The following LPIN1 variants were observed in gnomAD, a reference collection of about 807,000 sequenced individuals.
The protein encoded by LPIN1 is lipin 1, also known as phosphatidate phosphatase LPIN1.
In LPIN1, 71 loss-of-function variants were observed where a neutral mutation model predicts 107.5. The ratio of observed to expected loss-of-function variants is 0.66; its 90% CI spans 0.55 to 0.80. The LOEUF is 0.80. LPIN1 is among the 30% of genes least tolerant of loss of function. LPIN1 has a pLI of 0.00. For missense variants in LPIN1, 1,043 were observed against 1,160.6 expected (o/e 0.90, Z 1.47); for synonymous variants, 445 against 452.6 (o/e 0.98, Z 0.21).
At chr2:11,732,442 A>G (rs1290082282) in intron 1 of LPIN1, among the ~76,000 whole-genome samples, 1 of 152,200 alleles carries the variant, frequency 6.6e-6, no homozygotes, top group Non-Finnish European at 1.5e-5. Flanking sequence ...TGACAGACAG[A>G]CCTGGGCTTT....
chr2:11,778,690 CAT>C (rs1673062416), intron 6 of LPIN1, among the ~76,000 whole-genome samples: 1 of 152,200 alleles, frequency 6.6e-6, no homozygotes, highest in Non-Finnish European at 1.5e-5. Context: ...AATAATTAAC[CAT>C]GTTATTATGC....
rs114666965 is a variant in LPIN1 at position 11,798,840 on chromosome 2, C to T, written c.1886+3353C>T. Reference sequence around the variant, plus strand: ...CAGACGTGATTGACAGAATAGTCCCCGAAGTCCCATAATTGAGCAAACAGC... The same window carrying T: ...CAGACGTGATTGACAGAATAGTCCCTGAAGTCCCATAATTGAGCAAACAGC... On this transcript the variant is annotated intron_variant, in intron 14 of 20. Transcript: ENST00000674199. Among the ~76,000 whole-genome samples, 392 of 151,608 alleles carry T rather than the reference C, an allele frequency of 2.6e-3. 1 individual carries two copies. The highest frequency in any genetic ancestry group is 9.2e-3 in the African/African-American group (379 of 41,354).
intron 1 of LPIN1, among the ~76,000 whole-genome samples, chr2:11,727,032 A>C (rs1016935217): frequency 6.6e-6 from 1 of 152,232 alleles, no homozygotes; most frequent in Non-Finnish European, 1.5e-5. Context: ...AACCCTGAAC[A>C]CTTGATTAAA....
At chr2:11,764,129 A>G (rs1160591369) in intron 1 of LPIN1, 2 of 143,984 alleles carry the variant, frequency 1.4e-5, no homozygotes, top group Non-Finnish European at 3.0e-5. Context: ...CAACGACTAA[A>G]ATATATGTAA....
intron 1 of LPIN1, among the ~76,000 whole-genome samples, chr2:11,680,415 T>TG (rs1479186051): frequency 1.3e-5 from 2 of 151,710 alleles, no homozygotes; most frequent in African/African-American, 4.8e-5. Flanking sequence ...AGCTCTGTGG[T>TG]GGGGTAACGG....
At chr2:11,785,658 C>T (rs750956127) in intron 10 of LPIN1, among the ~76,000 whole-genome samples, 1 of 152,122 alleles carries the variant, frequency 6.6e-6, no homozygotes, top group Non-Finnish European at 1.5e-5. Context: ...CCCGCCCCCT[C>T]TCTCACCACT....
intron 1 of LPIN1, among the ~76,000 whole-genome samples, chr2:11,732,675 C>A (rs1213716083): frequency 6.6e-6 from 1 of 152,160 alleles, no homozygotes; most frequent in African/African-American, 2.4e-5. Flanking sequence ...ATGGCAATGT[C>A]ATAATAAAAT....
intron 1 of LPIN1, among the ~76,000 whole-genome samples, chr2:11,760,081 G>T (rs1367093753): frequency 6.9e-6 from 1 of 144,724 alleles, no homozygotes. Flanking sequence ...CATCCCAGAC[G>T]GGGCGGCGGG....
At chr2:11,764,059 T>G in intron 1 of LPIN1, 1 of 47,640 alleles carries the variant, frequency 2.1e-5, no homozygotes. Flanking sequence ...TTCAAATGTG[T>G]GTGTGTGTGT....
chr2:11,789,188 C>T (rs888207418), intron 12 of LPIN1, among the ~76,000 whole-genome samples: 4 of 152,224 alleles, frequency 2.6e-5, no homozygotes, highest in Admixed American at 6.5e-5. Context: ...ATGTTGCCGT[C>T]GGTCAGCCAG....
intron 1 of LPIN1, among the ~76,000 whole-genome samples, chr2:11,684,193 C>G (rs1445513751): frequency 1.3e-5 from 2 of 152,182 alleles, no homozygotes; most frequent in Non-Finnish European, 1.5e-5. Flanking sequence ...AGTGCCAAGG[C>G]TGCTTCTGAC....
rs554187260 is a variant in LPIN1, at chr2:11,717,697, G to GTT, written c.138+3895_138+3896dup. 4.4e-3 allele frequency among the ~76,000 whole-genome samples: 651 copies of GTT among 146,918 alleles called. 7 individuals carry two copies. The highest frequency in any genetic ancestry group is 0.015 in the African/African-American group (613 of 40,334). ...TTATATACCACAAATCAGGTGACAG[G>GTT]TTTTTTTTTTTCTAAGAGCATTAGA... On this transcript the variant is annotated intron_variant, in intron 2 of 21. Transcript: ENST00000449576.
chr2:11,733,795 G>A (rs1405559688), intron 1 of LPIN1, among the ~76,000 whole-genome samples: 1 of 152,112 alleles, frequency 6.6e-6, no homozygotes, highest in Non-Finnish European at 1.5e-5. Context: ...CCCAGCTACT[G>A]TGCTTTCTTT....
At chr2:11,795,292 G>A in intron 13 of LPIN1, 116 bp from the exon 14 acceptor site, 1 of 844,022 alleles carries the variant, frequency 1.2e-6, no homozygotes, top group South Asian at 1.4e-5. Context: ...GGGCGTCATT[G>A]GGGAATGGTC....
intron 1 of LPIN1, among the ~76,000 whole-genome samples, chr2:11,710,948 G>A (rs1663375483): frequency 6.6e-6 from 1 of 152,140 alleles, no homozygotes; most frequent in Admixed American, 6.5e-5. Context: ...CATTTTTGGT[G>A]TTCTTGTGTT....
At chr2:11,779,489 C>T (rs767583763) in intron 6 of LPIN1, 30 bp from the exon 7 acceptor site, 2 of 1,611,568 alleles carry the variant, frequency 1.2e-6, no homozygotes, top group Non-Finnish European at 1.7e-6. Flanking sequence ...TCTTTTCCCA[C>T]CTTAATTTTC....
At chr2:11,709,989 G>A (rs1663325648) in intron 1 of LPIN1, among the ~76,000 whole-genome samples, 1 of 152,202 alleles carries the variant, frequency 6.6e-6, no homozygotes, top group Non-Finnish European at 1.5e-5. Context: ...ACTGTGACCT[G>A]GGTCTTAATC....
At chr2:11,703,734 C>A (rs73181307) in intron 1 of LPIN1, among the ~76,000 whole-genome samples, 2,760 of 152,258 alleles carry the variant, frequency 0.018, 82 homozygotes, top group African/African-American at 0.062. Context: ...ACAAACTAGA[C>A]CTGCCTCCCT....
chr2:11,783,864 T>C lies in LPIN1; in HGVS notation c.1300T>C (p.Tyr434His). ...RSRHLGADGV[Y>H]LDDLTDMDPE... ...CCGACATCTTGGTGCTGACGGCGTC[T>C]ACTTGGATGACCTCACAGACATGGA... Residue 434 changes from tyrosine to histidine, a missense_variant, in exon 9 of 21, where the codon TAC becomes CAC. Coordinates refer to ENST00000674199, the MANE Select transcript of LPIN1 (RefSeq NM_001349206.2). 6.2e-7 allele frequency: 1 copy of C among 1,614,250 alleles called. No individual in the cohort carries two copies. The highest frequency in any genetic ancestry group is 8.5e-7 in the Non-Finnish European group (1 of 1,180,036).
Sources: gnomAD v4.1 joint callset for allele counts (sites outside exome capture counted in the v4.1 genomes callset) on GRCh38, gnomAD v4.1.1 for gene constraint, MANE v1.5 for transcripts, NCBI Gene and HGNC (gene_info 2026-07-23, HGNC 2026-07-21) for gene names.